L3MBTL3: variants seen among roughly 807,000 people sequenced by gnomAD.
L3MBTL3 encodes L3MBTL histone methyl-lysine binding protein 3, also known as lethal(3)malignant brain tumor-like protein 3.
A neutral mutation model predicts 102.3 loss-of-function variants in L3MBTL3; 27 were observed. The ratio of observed to expected loss-of-function variants is 0.26; its 90% CI spans 0.19 to 0.36. The LOEUF (loss-of-function observed/expected upper bound fraction) is 0.36, where lower values mean the gene tolerates loss of function less well. Among genes scored for constraint, L3MBTL3 ranks in the 10% least tolerant of loss-of-function variants. L3MBTL3 has a pLI of 1.00. For missense variants in L3MBTL3, 798 were observed against 955.3 expected, an observed-to-expected ratio of 0.84 and a Z score of 2.17; for synonymous variants, 340 against 320.9, an observed-to-expected ratio of 1.06 and a Z score of -0.64.
intron 10 of L3MBTL3, among the ~76,000 whole-genome samples, chr6:130,064,675 G>A (rs547071863): frequency 3.9e-5 from 6 of 152,210 alleles, no homozygotes; most frequent in African/African-American, 1.2e-4. Context: ...GCAGCAACCC[G>A]TCCTGTGTCT....
intron 7 of L3MBTL3, 50 bp from the exon 8 acceptor site, chr6:130,055,121 G>C: frequency 7.3e-7 from 1 of 1,372,252 alleles, no homozygotes; most frequent in African/African-American, 1.4e-5. Flanking sequence ...ACTATTCACT[G>C]GTGCCAATTT....
chr6:130,124,752 C>G (rs897283212), intron 20 of L3MBTL3, among the ~76,000 whole-genome samples: 7 of 152,094 alleles, frequency 4.6e-5, no homozygotes, highest in African/African-American at 1.7e-4. Flanking sequence ...GGGTGGATCA[C>G]CTGAGGTCAG....
At chr6:130,065,698 C>T (rs143153142) in intron 10 of L3MBTL3, among the ~76,000 whole-genome samples, 227 of 152,258 alleles carry the variant, frequency 1.5e-3, no homozygotes, top group African/African-American at 5.1e-3. Context: ...CTCTAAGAAT[C>T]CAGGGCAGGG....
chr6:130,024,884 T>C (rs1779242857), intron 2 of L3MBTL3, among the ~76,000 whole-genome samples: 1 of 152,128 alleles, frequency 6.6e-6, no homozygotes, highest in Admixed American at 6.5e-5. Flanking sequence ...CTAGCACTCT[T>C]TGGAGCTGTT....
chr6:130,032,068 A>G (rs1779759433), intron 2 of L3MBTL3, among the ~76,000 whole-genome samples: 1 of 152,090 alleles, frequency 6.6e-6, no homozygotes, highest in Non-Finnish European at 1.5e-5. Flanking sequence ...GTGCAACACC[A>G]TGCCTGGCTG....
chr6:130,112,251 C>A (rs181848002), intron 19 of L3MBTL3, among the ~76,000 whole-genome samples: 35 of 152,338 alleles, frequency 2.3e-4, no homozygotes, highest in Middle Eastern at 3.4e-3. Context: ...TCTTTTCTTA[C>A]TCTCCGAGTT....
chr6:130,056,151 C>T (rs1236481059), intron 8 of L3MBTL3, among the ~76,000 whole-genome samples: 1 of 152,168 alleles, frequency 6.6e-6, no homozygotes, highest in African/African-American at 2.4e-5. Flanking sequence ...TGGTCTCGAA[C>T]TCCTGACCTC....
rs1203608636 is a variant in L3MBTL3, at chr6:130,139,808, C to T, written c.*55C>T. On this transcript the variant is annotated 3_prime_UTR_variant, in exon 23 of 23. Coordinates refer to ENST00000361794, the MANE Select transcript of L3MBTL3 (RefSeq NM_032438.4). Reference sequence around the variant, plus strand: ...TCTGCTTTAAAGCTCATGTTTTATTCAAAGCACAAGGACGGTTATAACTCC... The same window carrying T: ...TCTGCTTTAAAGCTCATGTTTTATTTAAAGCACAAGGACGGTTATAACTCC... 1 of 1,556,552 alleles carries T rather than the reference C, an allele frequency of 6.4e-7. No homozygotes were observed. Among genetic ancestry groups the T allele is most frequent in the Non-Finnish European group, 8.8e-7 (1 of 1,136,568 alleles).
intron 19 of L3MBTL3, among the ~76,000 whole-genome samples, chr6:130,105,575 T>C (rs536448307): frequency 2.7e-4 from 38 of 141,748 alleles, no homozygotes; most frequent in African/African-American, 9.9e-4. Context: ...TGAGCCAGGA[T>C]CATGACACTG....
At chr6:130,124,046 C>T (rs540168250) in intron 20 of L3MBTL3, among the ~76,000 whole-genome samples, 4 of 152,212 alleles carry the variant, frequency 2.6e-5, no homozygotes, top group South Asian at 2.1e-4. Context: ...ATTGGGCAGA[C>T]GGAGAAGCTG....
chr6:130,119,623 A>G (rs1785988098), intron 19 of L3MBTL3, among the ~76,000 whole-genome samples: 1 of 152,190 alleles, frequency 6.6e-6, no homozygotes, highest in Admixed American at 6.5e-5. Context: ...TTGGAAAAAA[A>G]AATAATGATT....
At chr6:130,068,764 C>T (rs1458809128) in intron 12 of L3MBTL3, among the ~76,000 whole-genome samples, 1 of 152,080 alleles carries the variant, frequency 6.6e-6, no homozygotes, top group Non-Finnish European at 1.5e-5. Flanking sequence ...TTCACATAGC[C>T]AGATGAAGGT....
At chr6:130,029,263 C>A (rs1297879563) in intron 2 of L3MBTL3, among the ~76,000 whole-genome samples, 2 of 152,188 alleles carry the variant, frequency 1.3e-5, no homozygotes, top group Non-Finnish European at 2.9e-5. Context: ...GAGAAACACT[C>A]CCACTGTAGC....
chr6:130,081,888 T>A (rs1286133500), intron 14 of L3MBTL3, among the ~76,000 whole-genome samples: 3 of 152,176 alleles, frequency 2.0e-5, no homozygotes, highest in African/African-American at 7.2e-5. Flanking sequence ...AGTTGTCAGA[T>A]CCCTCCAGCT....
chr6:130,024,574 C>T (rs529450864), intron 2 of L3MBTL3, among the ~76,000 whole-genome samples: 14 of 152,222 alleles, frequency 9.2e-5, no homozygotes, highest in African/African-American at 3.4e-4. Context: ...ATATTTCAGC[C>T]AATGCTGTTT....
intron 17 of L3MBTL3, among the ~76,000 whole-genome samples, chr6:130,093,545 A>G (rs1319841897): frequency 4.6e-5 from 7 of 152,198 alleles, no homozygotes; most frequent in Non-Finnish European, 8.8e-5. Flanking sequence ...TAGAATAACA[A>G]AGCTTGGGGA....
At chr6:130,121,823 A>G (rs1461587013) in intron 20 of L3MBTL3, among the ~76,000 whole-genome samples, 1 of 152,204 alleles carries the variant, frequency 6.6e-6, no homozygotes, top group African/African-American at 2.4e-5. Context: ...AGGCAGGCAG[A>G]TCACCTGAGG....
rs771501458 is a variant in L3MBTL3 at position 130,140,544 on chromosome 6, T to C, written c.*791T>C. ...CTCACTCATCTTGGTGCCCCGGTGT[T>C]TACAAGAGCCAGATGGTGTCAGAGG... On this transcript the variant is annotated 3_prime_UTR_variant, in exon 23 of 23. Transcript: ENST00000361794. 1.3e-5 allele frequency: 2 copies of C among 152,296 alleles called. No homozygotes were observed. The highest frequency in any genetic ancestry group is 2.9e-5 in the Non-Finnish European group (2 of 68,044). 9.4% of individuals were successfully genotyped at this position (152,296 alleles called of 1,614,324 possible).
At position 130,071,039 on chromosome 6, in the gene L3MBTL3, T is replaced by G; in HGVS notation, c.1156T>G (p.Ser386Ala). 6.2e-7 allele frequency: 1 copy of G among 1,613,316 alleles called. No homozygotes were observed. The highest frequency in any genetic ancestry group is 1.3e-5 in the African/African-American group (1 of 74,962). Reference sequence around the variant, plus strand: ...TGAGGCAGTAGACAAAAAGAATCCCTCATTCATCTGTGTTGCTACGGTAAC... The same window carrying G: ...TGAGGCAGTAGACAAAAAGAATCCCGCATTCATCTGTGTTGCTACGGTAAC... ...KLEAVDKKNP[S>A]FICVATVTDM... The change falls in exon 13 of 23, where the codon TCA becomes GCA. Residue 386 changes from serine to alanine, a missense_variant. By Grantham distance (99) the Ser-to-Ala change is moderately conservative. Transcript: ENST00000361794.
Sources: allele counts gnomAD v4.1 joint callset (sites outside exome capture counted in the v4.1 genomes callset), GRCh38; gene constraint gnomAD v4.1.1; transcripts MANE v1.5; gene names NCBI Gene and HGNC (gene_info 2026-07-23, HGNC 2026-07-21).